PIGB: variants seen among roughly 807,000 people sequenced by gnomAD.
PIGB encodes phosphatidylinositol glycan anchor biosynthesis class B, also known as GPI alpha-1,2-mannosyltransferase 3.
A neutral mutation model predicts 68.4 loss-of-function variants in PIGB; 58 were observed. That is an observed-to-expected ratio of 0.85 (90% CI 0.69 to 1.06). PIGB has a LOEUF of 1.06. Among genes scored for constraint, PIGB ranks in the 50% least tolerant of loss-of-function variants. The pLI is 0.00. For missense variants in PIGB, 634 were observed against 655.8 expected, an observed-to-expected ratio of 0.97 and a Z score of 0.36; for synonymous variants, 219 against 220.5, an observed-to-expected ratio of 0.99 and a Z score of 0.06.
In PIGB at chr15:55,350,822, G is replaced by A. The variant is rs764591726; in HGVS notation, c.1247G>A (p.Ser416Asn). 3 of 1,611,010 alleles carry A rather than the reference G, an allele frequency of 1.9e-6. No individual in the cohort carries two copies. The highest frequency in any genetic ancestry group is 1.7e-5 in the Admixed American group (1 of 59,992). Residue 416 changes from serine to asparagine, a missense_variant, in exon 10 of 12, where the codon AGT becomes AAT. Coordinates refer to ENST00000164305, the MANE Select transcript of PIGB (RefSeq NM_004855.5). ...VHQRGTLDVM[S>N]HIQKVCYNNP... Reference sequence around the variant, plus strand: ...CAACGAGGTACTCTTGATGTCATGAGTCATATTCAAAAAGTTTGTTACAAC... The same window carrying A: ...CAACGAGGTACTCTTGATGTCATGAATCATATTCAAAAAGTTTGTTACAAC...
chr15:55,337,980 A>C lies in PIGB; in HGVS notation c.795-1287A>C, dbSNP rs79268275. Reference sequence around the variant, plus strand: ...AGATAAAACTCATCTATGTTATCAGAAATTAGGATAGTGGTTACCTTTGGG... The same window carrying C: ...AGATAAAACTCATCTATGTTATCAGCAATTAGGATAGTGGTTACCTTTGGG... On this transcript the variant is annotated intron_variant, in intron 6 of 11. Coordinates refer to ENST00000164305, the MANE Select transcript of PIGB (RefSeq NM_004855.5). Among the ~76,000 whole-genome samples the C allele has an allele frequency of 3.3e-5, 5 of 152,314 alleles. No individual in the cohort carries two copies. The East Asian group carries it at 9.6e-4, about 29-fold the overall frequency.
In PIGB at chr15:55,319,234, G is replaced by C. The variant is rs961922563; in HGVS notation, c.-17G>C. ...CTACTGCAGCTTTCTTCCGCCTTAG[G>C]AAGGTGGCGGCCAGGGATGAGGAGG... On this transcript the variant is annotated 5_prime_UTR_variant, in exon 1 of 12. Transcript: ENST00000164305. 1.3e-6 allele frequency: 2 copies of C among 1,598,810 alleles called. No homozygotes were observed. Among genetic ancestry groups the C allele is most frequent in the African/African-American group, 2.7e-5 (2 of 74,760 alleles).
intron 6 of PIGB, 27 bp from the exon 7 acceptor site, chr15:55,339,240 A>T (rs1379678931): frequency 2.0e-6 from 3 of 1,522,430 alleles, no homozygotes; most frequent in East Asian, 2.4e-5. Context: ...TCCAAATGTG[A>T]ATCACTATGC....
chr15:55,337,823 CA>C (rs1483585648), intron 6 of PIGB, among the ~76,000 whole-genome samples: 12 of 152,112 alleles, frequency 7.9e-5, no homozygotes, highest in African/African-American at 2.9e-4. Context: ...TACATAGTTA[CA>C]ATACACAGTA....
chr15:55,351,730 G>C (rs895724431), intron 10 of PIGB: 1 of 151,254 alleles, frequency 6.6e-6, no homozygotes, highest in African/African-American at 2.4e-5. Context: ...GAATTAGCCG[G>C]GCGTGGTGGC....
chr15:55,323,403 G>T (rs939641270), intron 3 of PIGB, among the ~76,000 whole-genome samples: 2 of 152,218 alleles, frequency 1.3e-5, no homozygotes, highest in Admixed American at 1.3e-4. Context: ...TGGGAGGATT[G>T]CTTGAGGCCA....
At chr15:55,349,686 T>C (rs898175276) in intron 9 of PIGB, 2 of 152,200 alleles carry the variant, frequency 1.3e-5, no homozygotes, top group Non-Finnish European at 2.9e-5. Flanking sequence ...GATATTAACA[T>C]ATTCATAGGA....
chr15:55,354,222 G>C, intron 10 of PIGB, among the ~76,000 whole-genome samples: 1 of 151,934 alleles, frequency 6.6e-6, no homozygotes, highest in Admixed American at 6.6e-5. Context: ...GGCTGAGACA[G>C]GAGAATTGCT....
At position 55,321,392 on chromosome 15, in the gene PIGB, T is replaced by C; in HGVS notation, c.417+2T>C. Reference sequence around the variant, plus strand: ...GGGAAAGATAGTGTTCAGTTGCTGGTAAGTTTAAATAAAAGTAACTAAATG... The same window carrying C: ...GGGAAAGATAGTGTTCAGTTGCTGGCAAGTTTAAATAAAAGTAACTAAATG... On this transcript the variant is annotated splice_donor_variant, in intron 3 of 11. Transcript: ENST00000164305. LOFTEE classifies it high-confidence loss of function. The C allele has an allele frequency of 6.3e-7, 1 of 1,577,098 alleles. No individual in the cohort carries two copies. The highest frequency in any genetic ancestry group is 8.6e-7 in the Non-Finnish European group (1 of 1,162,438).
At chr15:55,330,799 T>C (rs1303720331) in intron 5 of PIGB, among the ~76,000 whole-genome samples, 2 of 152,236 alleles carry the variant, frequency 1.3e-5, no homozygotes, top group East Asian at 3.8e-4. Flanking sequence ...GTATCCATTC[T>C]TCCTACACAA....
intron 11 of PIGB, 85 bp downstream of exon 11, chr15:55,355,063 C>A (rs1217424308): frequency 4.3e-6 from 5 of 1,152,384 alleles, no homozygotes; most frequent in East Asian, 2.6e-5. Flanking sequence ...GATAATATAA[C>A]CTTTTTATGG....
chr15:55,346,168 G>T (rs540750412), intron 9 of PIGB, among the ~76,000 whole-genome samples: 1 of 152,198 alleles, frequency 6.6e-6, no homozygotes. Context: ...AATTTTTAAA[G>T]TGTGTATATC....
chr15:55,337,992 TGGTTACCTTTGGGAAGAGGAAG>T (rs1278585538), intron 6 of PIGB, among the ~76,000 whole-genome samples: 1 of 152,212 alleles, frequency 6.6e-6, no homozygotes, highest in Admixed American at 6.5e-5. Context: ...ATTAGGATAG[TGGTTACCTTTGGGAAGAGGAAG>T]GGTTACCTTT....
At chr15:55,332,894 C>A (rs1262435547) in intron 5 of PIGB, among the ~76,000 whole-genome samples, 2 of 152,156 alleles carry the variant, frequency 1.3e-5, no homozygotes, top group Non-Finnish European at 2.9e-5. Context: ...CATGATCATA[C>A]AGTTTATACA....
intron 3 of PIGB, among the ~76,000 whole-genome samples, chr15:55,326,199 A>C (rs1389574817): frequency 1.3e-5 from 2 of 150,042 alleles, no homozygotes; most frequent in Admixed American, 1.3e-4. Flanking sequence ...TCTGTCTCCA[A>C]AAAAAAAAAG....
rs746101897 is a variant in PIGB at position 55,319,287 on chromosome 15, G to C, written c.37G>C (p.Gly13Arg). 3 of 1,606,944 alleles carry C rather than the reference G, an allele frequency of 1.9e-6. No homozygotes were observed. The highest frequency in any genetic ancestry group is 2.5e-6 in the Non-Finnish European group (3 of 1,177,242). Residue 13 changes from glycine to arginine, a missense_variant, in exon 1 of 12, where the codon GGG becomes CGG. Transcript: ENST00000164305. ...CCTAAGCAAGTGCGGAATGGAGCCG[G>C]GGGGCGGAGATGCCAGCCTCACTTT... The part of the protein sequence containing the change: ...RPLSKCGMEP[G>R]GGDASLTLHG...
chr15:55,321,642 CTTTCTTTTTTTTTTTTT>C (rs1224775094), intron 3 of PIGB, among the ~76,000 whole-genome samples: 1 of 106,312 alleles, frequency 9.4e-6, no homozygotes, highest in Non-Finnish European at 1.9e-5. Flanking sequence ...AAGTATACTT[CTTTCTTTTTTTTTTTTT>C]TTTTTTTTTT....
intron 4 of PIGB, among the ~76,000 whole-genome samples, chr15:55,329,139 C>A (rs2055356766): frequency 6.6e-6 from 1 of 151,540 alleles, no homozygotes; most frequent in African/African-American, 2.4e-5. Flanking sequence ...CTTAATGGTG[C>A]TCTGTGTGCA....
intron 3 of PIGB, among the ~76,000 whole-genome samples, chr15:55,325,247 A>G (rs2055254219): frequency 6.6e-6 from 1 of 152,132 alleles, no homozygotes. Flanking sequence ...AATCGCTTGA[A>G]CTTGGGAGGT....
Sources: gnomAD v4.1 joint callset for allele counts (sites outside exome capture counted in the v4.1 genomes callset) on GRCh38, gnomAD v4.1.1 for gene constraint, MANE v1.5 for transcripts, NCBI Gene and HGNC (gene_info 2026-07-23, HGNC 2026-07-21) for gene names.